The following UNC13B variants were observed in gnomAD, a reference collection of about 807,000 sequenced individuals.
UNC13B encodes unc-13 homolog B.
In UNC13B, 144 loss-of-function variants were observed where a neutral mutation model predicts 211.0. That is an observed-to-expected ratio of 0.68 (90% CI 0.60 to 0.78). The LOEUF (loss-of-function observed/expected upper bound fraction) is 0.78. Ranked by LOEUF, UNC13B falls within the 30% of genes least tolerant of loss-of-function variation. The pLI, the probability that UNC13B is intolerant of heterozygous loss-of-function variation, is 0.00. For synonymous variants in UNC13B, 709 were observed against 725.8 expected (o/e 0.98, Z 0.37); for missense variants, 1,777 against 2,002.0 (o/e 0.89, Z 2.14).
Position 35,237,669 on chromosome 9 carries a change from G to A in UNC13B, c.271-34G>A, listed in dbSNP as rs749226885. 7 of 1,603,808 alleles carry A rather than the reference G, an allele frequency of 4.4e-6. No homozygotes were observed. The African/African-American group carries it at 6.7e-5, about 15-fold the overall frequency. ...CTTGAACTAAGAGGGAGCCAAGAAA[G>A]ATTAAACTTTAATCTTAGATCTTTG... On this transcript the variant is annotated intron_variant, in intron 4 of 39. Transcript: ENST00000635942.
At position 35,382,491 on chromosome 9, in the gene UNC13B, C is replaced by T; in HGVS notation, c.10790C>T (p.Ala3597Val). 6.2e-7 allele frequency: 1 copy of T among 1,613,246 alleles called. No individual in the cohort carries two copies. Among genetic ancestry groups the T allele is most frequent in the Non-Finnish European group, 8.5e-7 (1 of 1,179,778 alleles). The part of the protein sequence containing the change: ...STNVSASDRF[A>V]ASNFGKERFV... ...AATGTCTCTGCATCTGATCGCTTTG[C>T]AGCCTCCAACTTTGGGGTAAGTATC... Residue 3597 changes from alanine (A) to valine (V), a missense_variant, in exon 21 of 40, where the codon GCA becomes GTA. By Grantham distance (64) the Ala-to-Val change is moderately conservative (BLOSUM62 0). Transcript: ENST00000635942.
chr9:35,180,893 A>G (rs994504379), intron 1 of UNC13B, among the ~76,000 whole-genome samples: 1 of 151,244 alleles, frequency 6.6e-6, no homozygotes, highest in African/African-American at 2.4e-5. Context: ...CAGGAGTTCC[A>G]GACCAGCCTA....
At chr9:35,167,200 A>C (rs1266072056) in intron 1 of UNC13B, among the ~76,000 whole-genome samples, 1 of 151,590 alleles carries the variant, frequency 6.6e-6, no homozygotes, top group Non-Finnish European at 1.5e-5. Flanking sequence ...CAGCCTCCCA[A>C]GTAGCTGGGA....
chr9:35,185,793 C>T (rs985819951), intron 1 of UNC13B, among the ~76,000 whole-genome samples: 3 of 151,734 alleles, frequency 2.0e-5, no homozygotes, highest in Admixed American at 1.3e-4. Flanking sequence ...TGGCACATGT[C>T]TGTATTCCCA....
At chr9:35,300,078 A>G (rs1829597108) in intron 8 of UNC13B, 88 bp from the exon 9 acceptor site, 1 of 397,718 alleles carries the variant, frequency 2.5e-6, no homozygotes, top group South Asian at 1.4e-4. Flanking sequence ...AAACAACCAA[A>G]GTATAAGAAC....
chr9:35,393,753 G>T (rs1323166421), intron 26 of UNC13B, among the ~76,000 whole-genome samples: 2 of 151,818 alleles, frequency 1.3e-5, no homozygotes, highest in African/African-American at 4.8e-5. Context: ...TGTATTTTTA[G>T]TAGAGACGGG....
chr9:35,321,989 C>G (rs551216864), intron 11 of UNC13B, among the ~76,000 whole-genome samples: 7 of 152,168 alleles, frequency 4.6e-5, no homozygotes, highest in South Asian at 4.1e-4. Flanking sequence ...CTTTGATTAT[C>G]TGTGATTTGA....
intron 1 of UNC13B, among the ~76,000 whole-genome samples, chr9:35,195,011 C>T (rs1196503095): frequency 6.6e-6 from 1 of 152,162 alleles, no homozygotes; most frequent in Non-Finnish European, 1.5e-5. Context: ...TTACATAGGG[C>T]TCACAAATTG....
intron 7 of UNC13B, among the ~76,000 whole-genome samples, chr9:35,284,109 A>T (rs1377089455): frequency 6.6e-6 from 1 of 152,068 alleles, no homozygotes; most frequent in African/African-American, 2.4e-5. Flanking sequence ...AAAATACAAA[A>T]ATTAGCCAGG....
chr9:35,268,013 C>T (rs1827669304), intron 7 of UNC13B, among the ~76,000 whole-genome samples: 1 of 152,166 alleles, frequency 6.6e-6, no homozygotes, highest in Non-Finnish European at 1.5e-5. Context: ...TCTCCCAGCT[C>T]TGCCTCCTCT....
intron 1 of UNC13B, among the ~76,000 whole-genome samples, chr9:35,224,753 C>G (rs950147449): frequency 6.6e-6 from 1 of 152,024 alleles, no homozygotes; most frequent in Non-Finnish European, 1.5e-5. Context: ...GCAAATACTC[C>G]TGATAAACAC....
At chr9:35,193,454 C>A (rs574113463) in intron 1 of UNC13B, among the ~76,000 whole-genome samples, 8 of 152,050 alleles carry the variant, frequency 5.3e-5, no homozygotes, top group Admixed American at 3.3e-4. Flanking sequence ...CGAGACCAGC[C>A]TGACCAACAT....
rs755963256 is a variant in UNC13B at position 35,307,073 on chromosome 9, G to A, written c.7669G>A (p.Ala2557Thr). Residue 2557 changes from alanine to threonine, a missense_variant, in exon 9 of 40, where the codon GCA becomes ACA. Transcript: ENST00000635942. ...AGAAAGGAGAGAAGCTGCCTTTACAGCACTAAGTTCAGAATCTACTCTCAG... is the reference window on the plus strand; with the variant it reads ...AGAAAGGAGAGAAGCTGCCTTTACAACACTAAGTTCAGAATCTACTCTCAG... ...PPERREAAFT[A>T]LSSESTLSDC... 8 of 398,910 alleles carry A rather than the reference G, an allele frequency of 2.0e-5. No individual in the cohort carries two copies. The highest frequency in any genetic ancestry group is 1.6e-4 in the African/African-American group (8 of 48,632). The allele number at this position is 398,910 out of a possible 1,614,324, so 24.7% of individuals were successfully genotyped here.
At chr9:35,249,445 T>C (rs1258434286) in intron 6 of UNC13B, among the ~76,000 whole-genome samples, 1 of 152,204 alleles carries the variant, frequency 6.6e-6, no homozygotes, top group Admixed American at 6.5e-5. Context: ...AGTTTCTTCC[T>C]AGCATCGATG....
Position 35,219,572 on chromosome 9 carries a change from A to G in UNC13B, c.23-8443A>G, listed in dbSNP as rs372098751. 7.6e-4 allele frequency among the ~76,000 whole-genome samples: 115 copies of G among 150,678 alleles called. 2 individuals are homozygous for G. In the South Asian group the frequency reaches 0.019, roughly 25 times the overall value. ...GTCAAGGCTGCAGTGAGCCATGATT[A>G]TACCACTGCACTCCAGCCTGGGTGA... On this transcript the variant is annotated intron_variant, in intron 1 of 39. Transcript: ENST00000635942.
chr9:35,317,927 G>A (rs1280812891), intron 11 of UNC13B, among the ~76,000 whole-genome samples: 1 of 152,074 alleles, frequency 6.6e-6, no homozygotes, highest in African/African-American at 2.4e-5. Flanking sequence ...TAAGGGTCTT[G>A]TAATTCTTCC....
chr9:35,228,169 C>A, intron 2 of UNC13B, 125 bp downstream of exon 2: 2 of 898,940 alleles, frequency 2.2e-6, no homozygotes, highest in East Asian at 2.8e-5. Flanking sequence ...TAAATTAATT[C>A]ATGAAATCAT....
chr9:35,224,118 G>A (rs747780899), intron 1 of UNC13B, among the ~76,000 whole-genome samples: 32 of 152,130 alleles, frequency 2.1e-4, no homozygotes, highest in Non-Finnish European at 4.6e-4. Flanking sequence ...GCTCAGCATT[G>A]CTTTGACTAT....
intron 1 of UNC13B, among the ~76,000 whole-genome samples, chr9:35,209,151 G>A (rs576938700): frequency 5.9e-5 from 9 of 152,132 alleles, no homozygotes; most frequent in East Asian, 1.9e-4. Flanking sequence ...TGCAGTCTCC[G>A]CCTCACGAGT....
Sources: gnomAD v4.1 joint callset for allele counts (sites outside exome capture counted in the v4.1 genomes callset) on GRCh38, gnomAD v4.1.1 for gene constraint, MANE v1.5 for transcripts, NCBI Gene and HGNC (gene_info 2026-07-23, HGNC 2026-07-21) for gene names.